Variants in CGNL1 observed in about 807,000 individuals in gnomAD.
The protein encoded by CGNL1 is cingulin like 1.
Under a neutral mutation model 141.2 loss-of-function variants are expected in CGNL1, and 132 were observed. The observed-to-expected ratio is 0.93, with a 90% CI of 0.81 to 1.08. The LOEUF (loss-of-function observed/expected upper bound fraction) is 1.08, where lower values mean the gene tolerates loss of function less well. Among genes scored for constraint, CGNL1 ranks in the 50% least tolerant of loss-of-function variants. The pLI is 0.00. For synonymous variants in CGNL1, 690 were observed against 622.1 expected, an observed-to-expected ratio of 1.11 and a Z score of -1.63; for missense variants, 1,870 against 1,588.6, an observed-to-expected ratio of 1.18 and a Z score of -3.01.
In CGNL1 at chr15:57,439,101, A is replaced by G; in HGVS notation, c.1102A>G (p.Arg368Gly). Residue 368 changes from arginine to glycine, a missense_variant, in exon 2 of 19, where the codon AGA becomes GGA. Physicochemically the swap from Arg to Gly is moderately radical, Grantham distance 125 (BLOSUM62 -2). Transcript: ENST00000281282. ...EKFDQKPGLQ[R>G]RGRSGKRNRI... is the part of the protein sequence containing the mutation. ...ATTTGATCAAAAACCTGGGCTTCAG[A>G]GAAGAGGAAGGTCTGGGAAGCGAAA... 6.2e-7 allele frequency: 1 copy of G among 1,614,206 alleles called. No individual in the cohort carries two copies. The highest frequency in any genetic ancestry group is 1.1e-5 in the South Asian group (1 of 91,072).
At chr15:57,400,579 A>G (rs913122094) in intron 1 of CGNL1, among the ~76,000 whole-genome samples, 4 of 152,062 alleles carry the variant, frequency 2.6e-5, no homozygotes, top group Non-Finnish European at 5.9e-5. Context: ...TTTCTTTCTT[A>G]TTGTAAAAAC....
chr15:57,544,418 C>T, intron 15 of CGNL1, 55 bp from the exon 16 acceptor site: 1 of 1,609,176 alleles, frequency 6.2e-7, no homozygotes, highest in Non-Finnish European at 8.5e-7. Context: ...CTTCGCTGCT[C>T]TGCACAGAGC....
chr15:57,404,122 T>C (rs1383367963), intron 1 of CGNL1, among the ~76,000 whole-genome samples: 1 of 152,240 alleles, frequency 6.6e-6, no homozygotes, highest in Non-Finnish European at 1.5e-5. Flanking sequence ...AGGCTGCCTG[T>C]GTGCTTGTTC....
intron 4 of CGNL1, among the ~76,000 whole-genome samples, chr15:57,450,271 C>G (rs756549026): frequency 2.2e-4 from 33 of 152,046 alleles, no homozygotes; most frequent in Non-Finnish European, 7.4e-5. Flanking sequence ...ATTGGTATCT[C>G]GTTGGTTTGT....
intron 4 of CGNL1, among the ~76,000 whole-genome samples, chr15:57,449,354 A>T (rs922188135): frequency 9.2e-5 from 14 of 152,136 alleles, no homozygotes; most frequent in Admixed American, 5.9e-4. Context: ...TATTTCTTTC[A>T]TCAGTGAGTT....
chr15:57,546,162 G>T lies in CGNL1; in HGVS notation c.3696G>T (p.Leu1232=). ...GACTGGAAAGTTCTAAAAAGAAGCTGCAGAGGGAGCTGGAGGAGCAGATGG... is the reference window on the plus strand; with the variant it reads ...GACTGGAAAGTTCTAAAAAGAAGCTTCAGAGGGAGCTGGAGGAGCAGATGG... ...IDRLESSKKK[L]QRELEEQMDM... is the part of the protein sequence containing the mutation. The change falls in exon 18 of 19, where the codon CTG becomes CTT. Residue 1232 remains leucine (L), a synonymous_variant. Transcript: ENST00000281282. The T allele has an allele frequency of 6.2e-7, 1 of 1,612,860 alleles. No homozygotes were observed. The highest frequency in any genetic ancestry group is 8.5e-7 in the Non-Finnish European group (1 of 1,179,492).
At chr15:57,379,326 A>G (rs1414337803) in intron 1 of CGNL1, among the ~76,000 whole-genome samples, 1 of 152,224 alleles carries the variant, frequency 6.6e-6, no homozygotes. Flanking sequence ...CAGCTCTAAT[A>G]TCCTAAAGTG....
chr15:57,486,988 A>C (rs1337783128), intron 8 of CGNL1, among the ~76,000 whole-genome samples: 1 of 152,242 alleles, frequency 6.6e-6, no homozygotes, highest in Non-Finnish European at 1.5e-5. Flanking sequence ...GGTATTATGT[A>C]GATTATCTAC....
Position 57,508,338 on chromosome 15 carries a change from G to C in CGNL1, c.2404-8442G>C, listed in dbSNP as rs1245813282. On this transcript the variant is annotated intron_variant, in intron 8 of 18. Coordinates refer to ENST00000281282, the MANE Select transcript of CGNL1 (RefSeq NM_032866.5). ...TTTGGAAATTCTGATGTTCTTCTTG[G>C]AGCATGGGATTTAAAAATATTTTGC... is the stretch of plus-strand genomic sequence containing the variant. Among the ~76,000 whole-genome samples the C allele has an allele frequency of 2.6e-5, 4 of 152,252 alleles. No homozygotes were observed. The East Asian group carries it at 7.7e-4, about 29-fold the overall frequency.
Position 57,393,630 on chromosome 15 carries a change from G to A in CGNL1, c.-16+17063G>A, listed in dbSNP as rs114486800. 6.0e-3 allele frequency among the ~76,000 whole-genome samples: 914 copies of A among 152,180 alleles called. 11 individuals carry two copies. Among genetic ancestry groups the A allele is most frequent in the African/African-American group, 0.021 (863 of 41,504 alleles). On this transcript the variant is annotated intron_variant, in intron 1 of 18. Transcript: ENST00000281282. ...CCAAAGAATCTGAGATCATTGGTAC[G>A]TTATGTTCCAGAGTAGCCCCGAGTT...
rs1298205990 is a variant in CGNL1, at chr15:57,453,674, C to T, written c.2055-9C>T. 6.2e-7 allele frequency: 1 copy of T among 1,613,366 alleles called. No homozygotes were observed. The highest frequency in any genetic ancestry group is 8.5e-7 in the Non-Finnish European group (1 of 1,179,748). On this transcript the variant is annotated splice_polypyrimidine_tract_variant and intron_variant, in intron 6 of 18. Coordinates refer to ENST00000281282, the MANE Select transcript of CGNL1 (RefSeq NM_032866.5). Reference sequence around the variant, plus strand: ...AAGAGCCTGTCTAATGGGCTTCCTTCCCTGCCAGGCTATTCCAGGTGAAGA... The same window carrying T: ...AAGAGCCTGTCTAATGGGCTTCCTTTCCTGCCAGGCTATTCCAGGTGAAGA...
intron 7 of CGNL1, among the ~76,000 whole-genome samples, chr15:57,461,168 T>G (rs892654992): frequency 2.0e-5 from 3 of 151,994 alleles, no homozygotes; most frequent in Admixed American, 6.6e-5. Flanking sequence ...GGGGAAAATA[T>G]GAATATTGTG....
At chr15:57,510,113 T>G (rs1422617612) in intron 8 of CGNL1, among the ~76,000 whole-genome samples, 1 of 152,194 alleles carries the variant, frequency 6.6e-6, no homozygotes, top group Non-Finnish European at 1.5e-5. Context: ...GTGCAGGTAG[T>G]GGCCTGAAGC....
intron 12 of CGNL1, 71 bp from the exon 13 acceptor site, chr15:57,528,583 T>C: frequency 6.6e-7 from 1 of 1,520,246 alleles, no homozygotes; most frequent in Non-Finnish European, 9.0e-7. Flanking sequence ...GGTCAGCCTG[T>C]GCACTGTCTG....
At position 57,502,349 on chromosome 15, in the gene CGNL1, T is replaced by G. The variant is rs2934447; in HGVS notation, c.2404-14431T>G. 2.8e-3 allele frequency among the ~76,000 whole-genome samples: 428 copies of G among 152,288 alleles called. 3 individuals are homozygous for G. Among genetic ancestry groups the G allele is most frequent in the African/African-American group, 9.8e-3 (406 of 41,560 alleles). ...CTGTGGGAAAATGGAAAGGCTTGTT[T>G]TGAGAGGCAGTGTGTTTCCAGCTCC... On this transcript the variant is annotated intron_variant, in intron 8 of 18. Transcript: ENST00000281282.
At chr15:57,390,453 C>T (rs1400936842) in intron 1 of CGNL1, among the ~76,000 whole-genome samples, 1 of 152,246 alleles carries the variant, frequency 6.6e-6, no homozygotes, top group African/African-American at 2.4e-5. Flanking sequence ...AGCCCCACAT[C>T]AGCAGGGTGA....
In CGNL1 at chr15:57,452,295, T is replaced by A; in HGVS notation, c.2054+6T>A. On this transcript the variant is annotated splice_donor_region_variant and intron_variant, in intron 6 of 18. Coordinates refer to ENST00000281282, the MANE Select transcript of CGNL1 (RefSeq NM_032866.5). ...CTCCGGAAGAATCTGGAGGAGTAAG[T>A]TCTGGGCTGAGAGCCTGTTGCCCTT... 6.2e-7 allele frequency: 1 copy of A among 1,611,786 alleles called. No homozygotes were observed. Among genetic ancestry groups the A allele is most frequent in the Non-Finnish European group, 8.5e-7 (1 of 1,178,968 alleles).
rs1347171529 is a variant in CGNL1, at chr15:57,548,132, G to A, written c.*642G>A. 6.6e-6 allele frequency: 1 copy of A among 151,768 alleles called. No homozygotes were observed. The highest frequency in any genetic ancestry group is 1.5e-5 in the Non-Finnish European group (1 of 68,076). The allele number at this position is 151,768 out of a possible 1,614,324, so 9.4% of individuals were successfully genotyped here. A position where few individuals can be genotyped will look rare whatever the true frequency, so the allele number is the denominator to read the frequency against. ...TTCTCCTGCCTCATCCTCCCAAGAA[G>A]CTGAGATTACAGATGACCACCACCA... On this transcript the variant is annotated 3_prime_UTR_variant, in exon 19 of 19. Coordinates refer to ENST00000281282, the MANE Select transcript of CGNL1 (RefSeq NM_032866.5).
intron 3 of CGNL1, 115 bp from the exon 4 acceptor site, chr15:57,442,258 C>T (rs2063198783): frequency 1.4e-5 from 6 of 416,628 alleles, no homozygotes; most frequent in South Asian, 1.1e-4. Context: ...AATTAATTCA[C>T]AGCTCCTGCA....
Sources: allele counts gnomAD v4.1 joint callset (sites outside exome capture counted in the v4.1 genomes callset), GRCh38; gene constraint gnomAD v4.1.1; transcripts MANE v1.5; gene names NCBI Gene and HGNC (gene_info 2026-07-23, HGNC 2026-07-21).